Variants in OPA1 observed in about 807,000 individuals in gnomAD.
OPA1 encodes dynamin-like GTPase OPA1, mitochondrial.
Under a neutral mutation model 152.9 loss-of-function variants are expected in OPA1, and 59 were observed. The observed-to-expected ratio is 0.39, with a 90% confidence interval of 0.31 to 0.48. The LOEUF (loss-of-function observed/expected upper bound fraction) is 0.48. OPA1 is among the 20% of genes least tolerant of loss of function. OPA1 has a pLI of 0.96. For missense variants in OPA1, 1,008 were observed against 1,216.8 expected, an observed-to-expected ratio of 0.83 and a Z score of 2.55; for synonymous variants, 400 against 389.9, an observed-to-expected ratio of 1.03 and a Z score of -0.31.
At chr3:193,681,055 T>C (rs1388831202) in intron 29 of OPA1, among the ~76,000 whole-genome samples, 3 of 152,190 alleles carry the variant, frequency 2.0e-5, no homozygotes, top group African/African-American at 7.2e-5. Context: ...CCCATAAACA[T>C]TTATGCTTTT....
intron 1 of OPA1, among the ~76,000 whole-genome samples, chr3:193,599,163 C>T (rs1726069400): frequency 6.6e-6 from 1 of 152,148 alleles, no homozygotes; most frequent in Admixed American, 6.5e-5. Flanking sequence ...TTACTTTGAC[C>T]TAACATTATC....
chr3:193,647,750 A>G (rs2109075353), intron 19 of OPA1, among the ~76,000 whole-genome samples: 1 of 152,320 alleles, frequency 6.6e-6, no homozygotes, highest in South Asian at 2.1e-4. Context: ...ACCCAGTGTC[A>G]CACAACATGG....
chr3:193,660,417 C>A (rs900465822), intron 25 of OPA1, among the ~76,000 whole-genome samples: 5 of 150,228 alleles, frequency 3.3e-5, no homozygotes, highest in African/African-American at 1.3e-4. Flanking sequence ...AATCCATTTT[C>A]TTTTCTTGTT....
At chr3:193,643,702 TTG>T (rs1364520134) in intron 15 of OPA1, 75 bp downstream of exon 15, 14 of 1,287,962 alleles carry the variant, frequency 1.1e-5, no homozygotes, top group Admixed American at 5.4e-5. Flanking sequence ...ATTAAATAGT[TTG>T]TGTTATGTAA....
chr3:193,627,650 C>G, intron 7 of OPA1, among the ~76,000 whole-genome samples: 1 of 152,212 alleles, frequency 6.6e-6, no homozygotes, highest in South Asian at 2.1e-4. Context: ...ATTTAACATT[C>G]TAAGATATGA....
chr3:193,668,717 C>T, intron 29 of OPA1: 1 of 1,324,696 alleles, frequency 7.5e-7, no homozygotes, highest in Non-Finnish European at 9.8e-7. Flanking sequence ...TTAACACCTG[C>T]AGTAGGCTAC....
intron 1 of OPA1, among the ~76,000 whole-genome samples, chr3:193,595,553 C>A (rs1725349529): frequency 6.6e-6 from 1 of 152,154 alleles, no homozygotes; most frequent in Admixed American, 6.5e-5. Flanking sequence ...TTGTTTATTG[C>A]TGCTGAGAAT....
chr3:193,673,098 G>A lies in OPA1; in HGVS notation c.2983+5818G>A, dbSNP rs537327438. On this transcript the variant is annotated intron_variant, in intron 29 of 30. Coordinates refer to ENST00000361510, the MANE Select transcript of OPA1 (RefSeq NM_130837.3). ...TTTTTCTCATTTTACAGATGAAATG[G>A]AGGGTTAGGAACTCGTAGGTAGTAG... Among the ~76,000 whole-genome samples, 3 of 152,278 alleles carry A rather than the reference G, an allele frequency of 2.0e-5. No individual in the cohort carries two copies. In the East Asian group the frequency reaches 5.8e-4, roughly 29 times the overall value.
intron 6 of OPA1, 60 bp from the exon 7 acceptor site, chr3:193,626,032 T>G: frequency 7.9e-7 from 1 of 1,267,562 alleles, no homozygotes; most frequent in Non-Finnish European, 1.2e-6. Context: ...TGTTGCACCC[T>G]TGGTTTAACA....
chr3:193,618,339 G>A (rs184081196), intron 5 of OPA1, among the ~76,000 whole-genome samples: 101 of 152,100 alleles, frequency 6.6e-4, no homozygotes, highest in African/African-American at 2.1e-3. Flanking sequence ...TTTGCCGGGC[G>A]TGGTGGCACA....
intron 29 of OPA1, among the ~76,000 whole-genome samples, chr3:193,683,756 A>C (rs150625388): frequency 6.6e-6 from 1 of 152,368 alleles, no homozygotes; most frequent in Non-Finnish European, 1.5e-5. Context: ...GTACTTTTAA[A>C]TAAGTTATGT....
intron 1 of OPA1, among the ~76,000 whole-genome samples, chr3:193,606,372 T>C (rs1421889662): frequency 2.0e-5 from 3 of 152,024 alleles, no homozygotes; most frequent in Non-Finnish European, 4.4e-5. Flanking sequence ...ACCCATTAAC[T>C]CATCATTTAC....
intron 29 of OPA1, among the ~76,000 whole-genome samples, chr3:193,683,456 A>G (rs1197924258): frequency 6.6e-6 from 1 of 152,040 alleles, no homozygotes; most frequent in Non-Finnish European, 1.5e-5. Context: ...TAAAGAAGAA[A>G]AATTTGAGTA....
intron 16 of OPA1, among the ~76,000 whole-genome samples, chr3:193,644,452 A>G (rs1334437164): frequency 1.3e-5 from 2 of 152,186 alleles, no homozygotes; most frequent in African/African-American, 4.8e-5. Flanking sequence ...ATACTCCCAA[A>G]AGGAAAGCAT....
chr3:193,688,818 C>A (rs1315362117), intron 29 of OPA1, among the ~76,000 whole-genome samples: 2 of 151,478 alleles, frequency 1.3e-5, no homozygotes, highest in Non-Finnish European at 2.9e-5. Flanking sequence ...CCCATCTTGA[C>A]AAAAAAAATT....
chr3:193,684,788 A>T (rs947632688), intron 29 of OPA1, among the ~76,000 whole-genome samples: 3 of 151,932 alleles, frequency 2.0e-5, no homozygotes, highest in African/African-American at 7.3e-5. Flanking sequence ...AGCCATAATC[A>T]TTATAACTGA....
chr3:193,620,068 T>TG (rs1313110873), intron 6 of OPA1, among the ~76,000 whole-genome samples: 2 of 152,140 alleles, frequency 1.3e-5, no homozygotes, highest in African/African-American at 2.4e-5. Flanking sequence ...TTCATGCTAC[T>TG]GGGGGAAAAA....
At position 193,659,008 on chromosome 3, in the gene OPA1, A is replaced by C. The variant is rs751167712; in HGVS notation, c.2440+13A>C. 6.4e-7 allele frequency: 1 copy of C among 1,557,736 alleles called. No individual in the cohort carries two copies. Among genetic ancestry groups the C allele is most frequent in the East Asian group, 2.2e-5 (1 of 44,594 alleles). On this transcript the variant is annotated intron_variant, in intron 24 of 30. Coordinates refer to ENST00000361510, the MANE Select transcript of OPA1 (RefSeq NM_130837.3). ...CGTCTCAAGGATAGTAAGTGGAGACACGGCTTATTGAGTTCTGAGTTCACA... is the reference window on the plus strand; with the variant it reads ...CGTCTCAAGGATAGTAAGTGGAGACCCGGCTTATTGAGTTCTGAGTTCACA...
At chr3:193,649,311 TATTA>T (rs1711820322) in intron 21 of OPA1, among the ~76,000 whole-genome samples, 1 of 152,190 alleles carries the variant, frequency 6.6e-6, no homozygotes, top group Non-Finnish European at 1.5e-5. Context: ...AACTTAATGC[TATTA>T]ATACTTGAAA....
Sources: gnomAD v4.1 joint callset for allele counts (sites outside exome capture counted in the v4.1 genomes callset) on GRCh38, gnomAD v4.1.1 for gene constraint, MANE v1.5 for transcripts, NCBI Gene and HGNC (gene_info 2026-07-23, HGNC 2026-07-21) for gene names.